Variants in PLEKHA8 observed in about 807,000 individuals in gnomAD.
PLEKHA8 encodes the protein pleckstrin homology domain containing A8.
PLEKHA8 carries 36 observed loss-of-function variants against 68.2 expected under a neutral mutation model. The ratio of observed to expected loss-of-function variants is 0.53; its 90% CI spans 0.40 to 0.70. The LOEUF is 0.70. Ranked by LOEUF, PLEKHA8 falls within the 30% of genes least tolerant of loss-of-function variation. PLEKHA8 has a pLI of 0.00. For synonymous variants in PLEKHA8, 211 were observed against 216.1 expected (o/e 0.98, Z 0.20); for missense variants, 505 against 615.4 (o/e 0.82, Z 1.90).
chr7:30,078,315 C>G (rs768372004), intron 13 of PLEKHA8, among the ~76,000 whole-genome samples: 4 of 152,040 alleles, frequency 2.6e-5, no homozygotes, highest in Non-Finnish European at 5.9e-5. Context: ...TTCTCAGACT[C>G]TCTCTCTCAG....
At chr7:30,096,998 A>T (rs1795646474) in intron 13 of PLEKHA8, among the ~76,000 whole-genome samples, 1 of 152,124 alleles carries the variant, frequency 6.6e-6, no homozygotes, top group Non-Finnish European at 1.5e-5. Flanking sequence ...TGCTTCCTTC[A>T]GGAGCTCTTT....
intron 1 of PLEKHA8, among the ~76,000 whole-genome samples, chr7:30,039,622 A>G (rs572095869): frequency 1.3e-5 from 2 of 152,294 alleles, no homozygotes; most frequent in Non-Finnish European, 1.5e-5. Flanking sequence ...CAGATTTTTC[A>G]TTGCAACTGT....
At chr7:30,098,446 G>A (rs1176461175) in intron 13 of PLEKHA8, among the ~76,000 whole-genome samples, 21 of 152,254 alleles carry the variant, frequency 1.4e-4, no homozygotes, top group Admixed American at 1.4e-3. Flanking sequence ...GAGGCAGGCA[G>A]GCCTCCTTGA....
intron 6 of PLEKHA8, among the ~76,000 whole-genome samples, chr7:30,051,545 G>C (rs964301407): frequency 6.6e-6 from 1 of 151,914 alleles, no homozygotes; most frequent in Non-Finnish European, 1.5e-5. Flanking sequence ...TATTATGATC[G>C]TTCCTTTAAC....
At chr7:30,064,665 C>T (rs1373051563) in intron 12 of PLEKHA8, among the ~76,000 whole-genome samples, 1 of 152,100 alleles carries the variant, frequency 6.6e-6, no homozygotes, top group Non-Finnish European at 1.5e-5. Context: ...TAATAACCTG[C>T]CAGAAAATAA....
chr7:30,115,275 G>C (rs1408988297), intron 13 of PLEKHA8, among the ~76,000 whole-genome samples: 1 of 152,098 alleles, frequency 6.6e-6, no homozygotes, highest in East Asian at 1.9e-4. Flanking sequence ...TTTAAAAAAA[G>C]TATGATGTTA....
chr7:30,113,437 A>T (rs769912781), intron 13 of PLEKHA8, among the ~76,000 whole-genome samples: 3 of 152,140 alleles, frequency 2.0e-5, no homozygotes, highest in Admixed American at 6.6e-5. Flanking sequence ...TGTGCTGTCA[A>T]CTTATTTTTT....
exon 13 of PLEKHA8, chr7:30,090,317 A>G (rs1795364651): frequency 2.0e-6 from 2 of 1,023,516 alleles, no homozygotes; most frequent in African/African-American, 1.6e-5. Context: ...ATGGGGGAGT[A>G]TTTCCGAAGT....
intron 11 of PLEKHA8, 66 bp from the exon 12 acceptor site, chr7:30,062,606 T>C (rs1793526227): frequency 8.3e-7 from 1 of 1,208,246 alleles, no homozygotes; most frequent in South Asian, 1.2e-5. Flanking sequence ...ATGTCTGCCA[T>C]TTCTTTATAC....
chr7:30,082,333 T>A lies in PLEKHA8; in HGVS notation c.*3546T>A, dbSNP rs57802735. 2.0e-6 allele frequency: 2 copies of A among 985,372 alleles called. No homozygotes were observed. Among genetic ancestry groups the A allele is most frequent in the South Asian group, 9.4e-5 (2 of 21,292 alleles). 61.0% of individuals were successfully genotyped at this position (985,372 alleles called of 1,614,324 possible). A position where few individuals can be genotyped will look rare whatever the true frequency, so the allele number is the denominator to read the frequency against. On this transcript the variant is annotated 3_prime_UTR_variant, in exon 14 of 14. Coordinates refer to ENST00000449726, the MANE Select transcript of PLEKHA8 (RefSeq NM_001197026.2). Reference sequence around the variant, plus strand: ...AGCACACCAAATCTACCCCCACTTATGTTTGTTCTGCCCCATTTCCCAGGA... The same window carrying A: ...AGCACACCAAATCTACCCCCACTTAAGTTTGTTCTGCCCCATTTCCCAGGA...
chr7:30,057,900 T>C (rs756336609), intron 9 of PLEKHA8, among the ~76,000 whole-genome samples: 12 of 152,238 alleles, frequency 7.9e-5, no homozygotes, highest in African/African-American at 1.2e-4. Context: ...CAGACAGTTA[T>C]AATGGTTGCA....
chr7:30,072,246 C>T (rs1451955370), intron 12 of PLEKHA8: 1 of 152,170 alleles, frequency 6.6e-6, no homozygotes, highest in East Asian at 1.9e-4. Flanking sequence ...ACTGGCATTC[C>T]AGCATATTCC....
Position 30,078,951 on chromosome 7 carries a change from T to C in PLEKHA8, c.*164T>C, listed in dbSNP as rs1583443613. ...GCTTTTATAATTTTTAAAATGCATA[T>C]GTGTTTTGTTTAAAGATCAAGGTGC... On this transcript the variant is annotated 3_prime_UTR_variant, in exon 14 of 14. Transcript: ENST00000449726. The C allele has an allele frequency of 7.0e-7, 1 of 1,421,636 alleles. No individual in the cohort carries two copies. Among genetic ancestry groups the C allele is most frequent in the East Asian group, 2.5e-5 (1 of 39,534 alleles). The allele number at this position is 1,421,636 out of a possible 1,614,324, so 88.1% of individuals were successfully genotyped here. A position where few individuals can be genotyped will look rare whatever the true frequency, so the allele number is the denominator to read the frequency against.
chr7:30,079,569 C>CT lies in PLEKHA8; in HGVS notation c.*782_*783insT. 4.5e-6 allele frequency: 4 copies of CT among 882,654 alleles called. No individual in the cohort carries two copies. The highest frequency in any genetic ancestry group is 5.4e-6 in the Non-Finnish European group (4 of 736,464). The allele number at this position is 882,654 out of a possible 1,614,324, so 54.7% of individuals were successfully genotyped here. Reference sequence around the variant, plus strand: ...AATTGGACATCACAAGTAATGATACCCAGAGGGATTATTACTCCACTTCAA... The same window carrying CT: ...AATTGGACATCACAAGTAATGATACCTCAGAGGGATTATTACTCCACTTCAA... On this transcript the variant is annotated 3_prime_UTR_variant, in exon 14 of 14. Coordinates refer to ENST00000449726, the MANE Select transcript of PLEKHA8 (RefSeq NM_001197026.2).
intron 13 of PLEKHA8, among the ~76,000 whole-genome samples, chr7:30,101,063 A>C (rs1795834090): frequency 6.6e-6 from 1 of 151,802 alleles, no homozygotes; most frequent in Non-Finnish European, 1.5e-5. Flanking sequence ...GGTGGTACAC[A>C]CCTGTAGTCA....
chr7:30,114,265 A>G (rs994883844), intron 13 of PLEKHA8, among the ~76,000 whole-genome samples: 3 of 152,314 alleles, frequency 2.0e-5, no homozygotes, highest in East Asian at 1.9e-4. Context: ...TACTCTTCTA[A>G]TCACTTTACA....
intron 9 of PLEKHA8, among the ~76,000 whole-genome samples, chr7:30,060,109 C>T (rs1793319093): frequency 6.6e-6 from 1 of 151,620 alleles, no homozygotes; most frequent in South Asian, 2.1e-4. Context: ...TGCACTCTAG[C>T]CTGGTGACAG....
chr7:30,059,726 T>C (rs1422827605), intron 9 of PLEKHA8, among the ~76,000 whole-genome samples: 1 of 152,026 alleles, frequency 6.6e-6, no homozygotes, highest in Admixed American at 6.6e-5. Context: ...TAGCTATACC[T>C]CTTTGTTTTA....
At chr7:30,105,915 A>T (rs527886504) in intron 13 of PLEKHA8, among the ~76,000 whole-genome samples, 2 of 152,320 alleles carry the variant, frequency 1.3e-5, no homozygotes, top group Admixed American at 6.5e-5. Flanking sequence ...ATTTTAATTT[A>T]ATCAAATGGA....
Sources: allele counts gnomAD v4.1 joint callset (sites outside exome capture counted in the v4.1 genomes callset), GRCh38; gene constraint gnomAD v4.1.1; transcripts MANE v1.5; gene names NCBI Gene and HGNC (gene_info 2026-07-23, HGNC 2026-07-21).